Variants in BRSK1 observed in about 807,000 individuals in gnomAD.
The protein encoded by BRSK1 is BR serine/threonine kinase 1, also known as serine/threonine-protein kinase BRSK1.
A neutral mutation model predicts 86.2 loss-of-function variants in BRSK1; 17 were observed. The ratio of observed to expected loss-of-function variants is 0.20; its 90% CI spans 0.14 to 0.30. BRSK1 has a LOEUF of 0.30. BRSK1 is among the 10% of genes least tolerant of loss of function. The pLI is 1.00. For missense variants in BRSK1, 719 were observed against 1,071.9 expected, an observed-to-expected ratio of 0.67 and a Z score of 4.60; for synonymous variants, 464 against 440.1, an observed-to-expected ratio of 1.05 and a Z score of -0.68.
chr19:55,304,179 G>A lies in BRSK1; in HGVS notation c.1347+69G>A, dbSNP rs1388592884. 52 of 1,448,354 alleles carry A rather than the reference G, an allele frequency of 3.6e-5. No homozygotes were observed. The highest frequency in any genetic ancestry group is 4.8e-5 in the Non-Finnish European group (51 of 1,055,048). The allele number at this position is 1,448,354 out of a possible 1,614,324, so 89.7% of individuals were successfully genotyped here. ...GGAGACATGGAGCAAAGATTGAGTAGCAGAAACTACAATTCCTGTGCAGTC... is the reference window on the plus strand; with the variant it reads ...GGAGACATGGAGCAAAGATTGAGTAACAGAAACTACAATTCCTGTGCAGTC... On this transcript the variant is annotated intron_variant, in intron 13 of 18. Coordinates refer to ENST00000309383, the MANE Select transcript of BRSK1 (RefSeq NM_032430.2). The surrounding 1 kb of genome is among the most constrained non-coding windows in gnomAD (Gnocchi z 5.2).
At position 55,312,104 on chromosome 19, in the gene BRSK1, AC is replaced by A. The variant is rs780134636; in HGVS notation, c.*42del. The A allele has an allele frequency of 2.5e-5, 24 of 943,990 alleles. No homozygotes were observed. In the East Asian group the frequency reaches 4.6e-4, roughly 18 times the overall value. The allele number at this position is 943,990 out of a possible 1,614,324, so 58.5% of individuals were successfully genotyped here. ...CCGGGGAGGGAGGGGACCCCCCTCC[AC>A]CCCCCTTCCGTGCCCCCCAACTGTG... On this transcript the variant is annotated 3_prime_UTR_variant, in exon 19 of 19. Transcript: ENST00000309383.
rs1410242682 is a variant in BRSK1, at chr19:55,284,434, A to G, written c.-9A>G. ...CCGGGGGACCGGTCGGGCCGGGACC[A>G]AGGGCACCATGTCGTCCGGGGCCAA... On this transcript the variant is annotated 5_prime_UTR_variant, in exon 1 of 19. Coordinates refer to ENST00000309383, the MANE Select transcript of BRSK1 (RefSeq NM_032430.2). 8.1e-7 allele frequency: 1 copy of G among 1,235,578 alleles called. No individual in the cohort carries two copies. Among genetic ancestry groups the G allele is most frequent in the Non-Finnish European group, 1.0e-6 (1 of 962,758 alleles). 76.5% of individuals were successfully genotyped at this position (1,235,578 alleles called of 1,614,324 possible). A position where few individuals can be genotyped will look rare whatever the true frequency, so the allele number is the denominator to read the frequency against.
intron 4 of BRSK1, among the ~76,000 whole-genome samples, chr19:55,293,501 C>CAGTA (rs1555891724): frequency 8.1e-5 from 12 of 148,440 alleles, no homozygotes; most frequent in Non-Finnish European, 1.3e-4. Flanking sequence ...GACTCCATCT[C>CAGTA]AATAAATAAA....
intron 17 of BRSK1, among the ~76,000 whole-genome samples, chr19:55,308,096 C>T (rs1238296881): frequency 6.7e-6 from 1 of 150,230 alleles, no homozygotes; most frequent in Admixed American, 6.6e-5. Context: ...TCTGGGCTCA[C>T]TGCAACCTCT....
At position 55,305,514 on chromosome 19, in the gene BRSK1, A is replaced by G. The variant is rs574940335; in HGVS notation, c.1818A>G (p.Glu606=). ...ACTTCATCTCCTTGGACAAAGAAGA[A>G]CAAATATTCCTCGTGCTAAAGGACA... is the stretch of plus-strand genomic sequence containing the variant. ...FGNFISLDKE[E]QIFLVLKDKP... is the part of the protein sequence containing the mutation. The change falls in exon 16 of 19, where the codon GAA becomes GAG. Residue 606 remains glutamate, a synonymous_variant. Transcript: ENST00000309383. 1 of 1,614,190 alleles carries G rather than the reference A, an allele frequency of 6.2e-7. No individual in the cohort carries two copies. Among genetic ancestry groups the G allele is most frequent in the East Asian group, 2.2e-5 (1 of 44,880 alleles).
chr19:55,304,746 AC>A lies in BRSK1; in HGVS notation c.1548del (p.Leu517CysfsTer66). 1 of 1,511,986 alleles carries A rather than the reference AC, an allele frequency of 6.6e-7. No individual in the cohort carries two copies. Among genetic ancestry groups the A allele is most frequent in the South Asian group, 1.2e-5 (1 of 83,052 alleles). The allele number at this position is 1,511,986 out of a possible 1,614,324, so 93.7% of individuals were successfully genotyped here. A position where few individuals can be genotyped will look rare whatever the true frequency, so the allele number is the denominator to read the frequency against. Reference sequence around the variant, plus strand: ...AGGCTCCCCGCGCTCCTCTGGCGGGACCCCCTTGCACTCGCCTCTGCACACG... The same window carrying A: ...AGGCTCCCCGCGCTCCTCTGGCGGGACCCCTTGCACTCGCCTCTGCACACG... Reference protein sequence around the residue: ...PPGSPRSSGGTPLHSPLHTPR... With the variant: ...PPGSPRSSGGXPLHSPLHTPR... On this transcript the variant is annotated frameshift_variant, in exon 14 of 19. Transcript: ENST00000309383. LOFTEE classifies it high-confidence loss of function. The surrounding 1 kb of genome is among the most constrained non-coding windows in gnomAD (Gnocchi z 5.2).
At chr19:55,295,725 C>T (rs1678190671) in intron 7 of BRSK1, among the ~76,000 whole-genome samples, 1 of 152,132 alleles carries the variant, frequency 6.6e-6, no homozygotes, top group Non-Finnish European at 1.5e-5. Flanking sequence ...CCCAGCACTT[C>T]AGGAGGCCGA....
intron 7 of BRSK1, among the ~76,000 whole-genome samples, chr19:55,298,778 G>A (rs915491347): frequency 6.6e-6 from 1 of 152,100 alleles, no homozygotes; most frequent in Non-Finnish European, 1.5e-5. Context: ...GTTTAAAATG[G>A]CCATGAAGCC....
At chr19:55,292,994 A>C (rs886565203) in intron 4 of BRSK1, among the ~76,000 whole-genome samples, 16 of 151,992 alleles carry the variant, frequency 1.1e-4, no homozygotes, top group African/African-American at 3.6e-4. Flanking sequence ...GGCAACAGAA[A>C]GGGACCCCAT....
chr19:55,290,448 G>C (rs2088386646), intron 4 of BRSK1, among the ~76,000 whole-genome samples: 1 of 152,054 alleles, frequency 6.6e-6, no homozygotes, highest in African/African-American at 2.4e-5. Flanking sequence ...CAAGAACAAG[G>C]GGGAAAATTT....
intron 7 of BRSK1, among the ~76,000 whole-genome samples, chr19:55,296,722 C>T (rs1381328148): frequency 6.6e-6 from 1 of 152,158 alleles, no homozygotes; most frequent in African/African-American, 2.4e-5. Flanking sequence ...GTGGCGGGCG[C>T]CTGTAGTCCC....
At chr19:55,307,743 T>C (rs1256750901) in intron 17 of BRSK1, among the ~76,000 whole-genome samples, 119 of 60,992 alleles carry the variant, frequency 2.0e-3, no homozygotes, top group African/African-American at 8.6e-3. Context: ...AACAAAAAAA[T>C]TTATACACAC....
chr19:55,292,833 C>CAAA (rs71181750), intron 4 of BRSK1, among the ~76,000 whole-genome samples: 1 of 132,852 alleles, frequency 7.5e-6, no homozygotes, highest in Non-Finnish European at 1.6e-5. Flanking sequence ...GACTCTGTCT[C>CAAA]AAAAAAAAAA....
At position 55,294,143 on chromosome 19, in the gene BRSK1, G is replaced by T; in HGVS notation, c.575+10G>T. On this transcript the variant is annotated intron_variant, in intron 5 of 18. Coordinates refer to ENST00000309383, the MANE Select transcript of BRSK1 (RefSeq NM_032430.2). This position sits in a 1 kb window ranked among gnomAD's most constrained non-coding sequence, Gnocchi z 4.9. ...TGGAGACCAGCTGCGGGTGAGTGGG[G>T]ACTGGGCTCCCGAGACCCTGGGCAG... 6.2e-7 allele frequency: 1 copy of T among 1,612,114 alleles called. No individual in the cohort carries two copies. Among genetic ancestry groups the T allele is most frequent in the Non-Finnish European group, 8.5e-7 (1 of 1,178,552 alleles).
intron 3 of BRSK1, among the ~76,000 whole-genome samples, chr19:55,288,487 A>C (rs923146230): frequency 3.3e-5 from 5 of 151,428 alleles, no homozygotes. Context: ...AAAAAAAAAA[A>C]AAAAACTCCA....
At position 55,284,496 on chromosome 19, in the gene BRSK1, C is replaced by G. The variant is rs1176052145; in HGVS notation, c.54C>G (p.Pro18=). Residue 18 remains proline, a synonymous_variant, in exon 1 of 19, where the codon CCC becomes CCG. Transcript: ENST00000309383. The part of the protein sequence containing the change: ...GGGGSPAYHL[P]HPHPHPPQHA... Reference sequence around the variant, plus strand: ...GGGGCTCTCCCGCCTACCACCTCCCCCACCCCCACCCCCACCCACCCCAGC... The same window carrying G: ...GGGGCTCTCCCGCCTACCACCTCCCGCACCCCCACCCCCACCCACCCCAGC... 4.9e-6 allele frequency: 5 copies of G among 1,025,116 alleles called. No homozygotes were observed. The highest frequency in any genetic ancestry group is 6.7e-6 in the Non-Finnish European group (5 of 748,428). The allele number at this position is 1,025,116 out of a possible 1,614,324, so 63.5% of individuals were successfully genotyped here.
chr19:55,300,561 G>C (rs148140471), intron 7 of BRSK1, among the ~76,000 whole-genome samples: 2 of 151,974 alleles, frequency 1.3e-5, no homozygotes, highest in Non-Finnish European at 2.9e-5. Flanking sequence ...AAATTAGGCT[G>C]GGTGTGGTGG....
chr19:55,304,732 G>A lies in BRSK1; in HGVS notation c.1529G>A (p.Arg510His), dbSNP rs751535819. 1.3e-6 allele frequency: 2 copies of A among 1,521,068 alleles called. No homozygotes were observed. Among genetic ancestry groups the A allele is most frequent in the Non-Finnish European group, 1.8e-6 (2 of 1,140,088 alleles). 94.2% of individuals were successfully genotyped at this position (1,521,068 alleles called of 1,614,324 possible). ...CTGCCCGGCCCCCCAGGCTCCCCGC[G>A]CTCCTCTGGCGGGACCCCCTTGCAC... ...TPLPGPPGSP[R>H]SSGGTPLHSP... Residue 510 changes from arginine (R) to histidine (H), a missense_variant, in exon 14 of 19, where the codon CGC becomes CAC. Arg to His is a conservative substitution (Grantham distance 29). Coordinates refer to ENST00000309383, the MANE Select transcript of BRSK1 (RefSeq NM_032430.2). The surrounding 1 kb of genome is among the most constrained non-coding windows in gnomAD (Gnocchi z 5.2).
rs752859615 is a variant in BRSK1 at position 55,304,573 on chromosome 19, C to G, written c.1370C>G (p.Pro457Arg). Residue 457 changes from proline (P) to arginine (R), a missense_variant, in exon 14 of 19, where the codon CCG (proline) becomes CGG (arginine). By Grantham distance (103) the Pro-to-Arg change is moderately radical (BLOSUM62 -2). Transcript: ENST00000309383. This position sits in a 1 kb window ranked among gnomAD's most constrained non-coding sequence, Gnocchi z 5.2. Reference protein sequence around the residue: ...SPRSPVFSFSPEPGAGDEARG... With the variant: ...SPRSPVFSFSREPGAGDEARG... ...CAGAGTCCGGTCTTTTCCTTTTCAC[C>G]GGAGCCGGGGGCTGGAGATGAGGCT... The G allele has an allele frequency of 6.3e-7, 1 of 1,585,110 alleles. No homozygotes were observed. The highest frequency in any genetic ancestry group is 8.6e-7 in the Non-Finnish European group (1 of 1,168,024).
Sources: gnomAD v4.1 joint callset for allele counts (sites outside exome capture counted in the v4.1 genomes callset) on GRCh38, gnomAD v4.1.1 for gene constraint, Gnocchi (gnomAD v3.1) non-coding constraint, MANE v1.5 for transcripts, NCBI Gene and HGNC (gene_info 2026-07-23, HGNC 2026-07-21) for gene names.